Variants in CDH13 observed in about 807,000 individuals in gnomAD.
CDH13 encodes cadherin-13.
A neutral mutation model predicts 63.8 loss-of-function variants in CDH13; 24 were observed. The observed-to-expected ratio is 0.38, with a 90% CI of 0.27 to 0.53. The LOEUF is 0.53. Among genes scored for constraint, CDH13 ranks in the 20% least tolerant of loss-of-function variants. CDH13 has a pLI of 0.85. For missense variants in CDH13, 1,049 were observed against 903.1 expected (o/e 1.16, Z -2.07); for synonymous variants, 503 against 355.3 (o/e 1.42, Z -4.67).
intron 3 of CDH13, among the ~76,000 whole-genome samples, chr16:83,037,790 C>T (rs1008062045): frequency 2.0e-5 from 3 of 152,174 alleles, no homozygotes; most frequent in African/African-American, 4.8e-5. Flanking sequence ...GCCACTTACT[C>T]ATTGTGTGAC....
chr16:83,220,671 G>GA (rs770496643), intron 5 of CDH13, among the ~76,000 whole-genome samples: 73 of 131,346 alleles, frequency 5.6e-4, no homozygotes, highest in South Asian at 1.7e-3. Context: ...AAAAGAAAAA[G>GA]AAAAAAAAAA....
At chr16:83,732,854 G>T (rs3784967) in intron 10 of CDH13, among the ~76,000 whole-genome samples, 2,771 of 152,234 alleles carry the variant, frequency 0.018, 107 homozygotes, top group East Asian at 0.17. Context: ...GGAATTCCAG[G>T]CTGCTCTTCC....
intron 3 of CDH13, among the ~76,000 whole-genome samples, chr16:83,033,512 A>G (rs1413634041): frequency 3.3e-5 from 5 of 152,174 alleles, no homozygotes; most frequent in African/African-American, 1.2e-4. Context: ...ATGCGCATAT[A>G]CTGTGTATAT....
intron 8 of CDH13, among the ~76,000 whole-genome samples, chr16:83,604,869 C>G (rs1908181084): frequency 6.6e-6 from 1 of 152,012 alleles, no homozygotes; most frequent in Non-Finnish European, 1.5e-5. Flanking sequence ...GGTCCTGTGA[C>G]TTAGGAAAAA....
intron 7 of CDH13, among the ~76,000 whole-genome samples, chr16:83,518,513 C>G (rs1299372952): frequency 2.0e-5 from 3 of 147,716 alleles, no homozygotes; most frequent in Non-Finnish European, 4.5e-5. Flanking sequence ...GGCTCTGTCT[C>G]CCAGGCTGGA....
At chr16:82,977,506 G>A (rs1291234166) in intron 2 of CDH13, among the ~76,000 whole-genome samples, 2 of 152,076 alleles carry the variant, frequency 1.3e-5, no homozygotes, top group Non-Finnish European at 2.9e-5. Context: ...TTTTATATGG[G>A]GCTTTTCCCC....
intron 1 of CDH13, among the ~76,000 whole-genome samples, chr16:82,816,341 A>AT (rs2037709266): frequency 6.6e-6 from 1 of 152,092 alleles, no homozygotes; most frequent in African/African-American, 2.4e-5. Context: ...ACAGCAGTGG[A>AT]CACACAGACA....
chr16:82,633,475 G>A (rs1908276811), intron 1 of CDH13, among the ~76,000 whole-genome samples: 1 of 152,190 alleles, frequency 6.6e-6, no homozygotes, highest in Non-Finnish European at 1.5e-5. Flanking sequence ...CACCTCCAGG[G>A]TTTAAGCAAT....
At chr16:83,734,592 G>A (rs1467365515) in intron 10 of CDH13, among the ~76,000 whole-genome samples, 2 of 148,040 alleles carry the variant, frequency 1.4e-5, no homozygotes, top group South Asian at 2.2e-4. Context: ...TGGGGTGGGG[G>A]AAGGGGGGAG....
intron 8 of CDH13, among the ~76,000 whole-genome samples, chr16:83,616,585 G>T (rs922686462): frequency 4.0e-5 from 6 of 151,690 alleles, no homozygotes; most frequent in African/African-American, 1.5e-4. Context: ...CATACTAAGA[G>T]CAACAACCAC....
chr16:83,102,646 C>G (rs74033149), intron 3 of CDH13, among the ~76,000 whole-genome samples: 2,324 of 152,144 alleles, frequency 0.015, 80 homozygotes, highest in African/African-American at 0.054. Context: ...CTCTGGCCAC[C>G]CTGGGGGAGG....
intron 1 of CDH13, chr16:82,825,416 C>T (rs998880224): frequency 7.9e-5 from 12 of 151,756 alleles, no homozygotes; most frequent in African/African-American, 2.7e-4. Flanking sequence ...GTACCTCATT[C>T]TTTTTCTTGA....
intron 10 of CDH13, among the ~76,000 whole-genome samples, chr16:83,683,974 A>T (rs1904279172): frequency 6.6e-6 from 1 of 152,230 alleles, no homozygotes; most frequent in African/African-American, 2.4e-5. Context: ...TTCCACTTTC[A>T]GCGTAGCAAC....
At chr16:82,927,005 G>A (rs1467648051) in intron 2 of CDH13, among the ~76,000 whole-genome samples, 2 of 140,160 alleles carry the variant, frequency 1.4e-5, no homozygotes, top group African/African-American at 2.6e-5. Context: ...GTGTCAGTTA[G>A]GGTAGCTTGA....
Position 83,007,530 on chromosome 16 carries a change from G to T in CDH13, c.158-24480G>T, listed in dbSNP as rs149256237. ...TTCCCTAAGGGCTAAAAAATACCTC[G>T]TAAGAAAAATGTCTTAAGGCCGGGC... On this transcript the variant is annotated intron_variant, in intron 2 of 13. Coordinates refer to ENST00000567109, the MANE Select transcript of CDH13 (RefSeq NM_001257.5). Among the ~76,000 whole-genome samples, 60 of 152,070 alleles carry T rather than the reference G, an allele frequency of 3.9e-4. 1 individual carries two copies. The East Asian group carries it at 0.011, about 27-fold the overall frequency.
chr16:83,323,526 C>A (rs2090287916), intron 5 of CDH13, among the ~76,000 whole-genome samples: 1 of 152,156 alleles, frequency 6.6e-6, no homozygotes, highest in South Asian at 2.1e-4. Context: ...GGCGATCCAC[C>A]TGCCTCAGCC....
intron 5 of CDH13, among the ~76,000 whole-genome samples, chr16:83,227,297 G>A (rs28520681): frequency 0.018 from 2,696 of 152,296 alleles, 76 homozygotes; most frequent in East Asian, 0.11. Flanking sequence ...GTGGGTCACC[G>A]TGGTGACATC....
intron 1 of CDH13, among the ~76,000 whole-genome samples, chr16:82,840,367 T>C (rs1277870773): frequency 3.5e-5 from 5 of 143,848 alleles, no homozygotes. Context: ...AGGGAGGGCC[T>C]GATGCTCTGA....
rs183985474 is a variant in CDH13 at position 82,681,092 on chromosome 16, C to T, written c.45+53955C>T. Among the ~76,000 whole-genome samples, 67 of 152,274 alleles carry T rather than the reference C, an allele frequency of 4.4e-4. No individual in the cohort carries two copies. The Middle Eastern group carries it at 0.01, about 23-fold the overall frequency. On this transcript the variant is annotated intron_variant, in intron 1 of 13. Coordinates refer to ENST00000567109, the MANE Select transcript of CDH13 (RefSeq NM_001257.5). Reference sequence around the variant, plus strand: ...AAAGGGGCTTGCCCAGCACTATCAGCAATCTGCAAAAAGATATTCTTGGGA... The same window carrying T: ...AAAGGGGCTTGCCCAGCACTATCAGTAATCTGCAAAAAGATATTCTTGGGA...
Sources: allele counts gnomAD v4.1 joint callset (sites outside exome capture counted in the v4.1 genomes callset), GRCh38; gene constraint gnomAD v4.1.1; transcripts MANE v1.5; gene names NCBI Gene and HGNC (gene_info 2026-07-23, HGNC 2026-07-21).